DENND2D: variants seen among roughly 807,000 people sequenced by gnomAD.
The protein encoded by DENND2D is DENN domain containing 2D, also known as DENN domain-containing protein 2D.
A neutral mutation model predicts 59.8 loss-of-function variants in DENND2D; 37 were observed. The observed-to-expected ratio is 0.62, with a 90% CI of 0.48 to 0.81. DENND2D has a LOEUF of 0.81. DENND2D is among the 40% of genes least tolerant of loss of function. DENND2D has a pLI of 0.00. For synonymous variants in DENND2D, 219 were observed against 211.3 expected, an observed-to-expected ratio of 1.04 and a Z score of -0.31; for missense variants, 525 against 579.7, an observed-to-expected ratio of 0.91 and a Z score of 0.97.
At chr1:111,204,461 G>A (rs902773598), upstream of DENND2D, 38 of 1,176,596 alleles carry the variant, frequency 3.2e-5, no homozygotes, top group Non-Finnish European at 4.2e-5. Flanking sequence ...GGGAGGCCTA[G>A]GGGACAGGTT....
chr1:111,186,427 AACTT>A lies in DENND2D; in HGVS notation c.*1174_*1177del, dbSNP rs1657255967. On this transcript the variant is annotated 3_prime_UTR_variant, in exon 12 of 12. Coordinates refer to ENST00000357640, the MANE Select transcript of DENND2D (RefSeq NM_024901.5). ...CCCAAAAGCAAATTACATTGGCTTG[AACTT>A]CAGTATGCCCGGTTCCACCCTCCAG... Among the ~76,000 whole-genome samples the A allele has an allele frequency of 6.6e-6, 1 of 152,216 alleles. No individual in the cohort carries two copies. The highest frequency in any genetic ancestry group is 1.5e-5 in the Non-Finnish European group (1 of 68,036).
Position 111,189,220 on chromosome 1 carries a change from A to G in DENND2D, c.1006T>C (p.Leu336=), listed in dbSNP as rs766165625. Residue 336 remains leucine (L), a synonymous_variant, in exon 9 of 12, where the codon TTA becomes CTA. Coordinates refer to ENST00000357640, the MANE Select transcript of DENND2D (RefSeq NM_024901.5). ...LLVNLCEGTF[L]MSVGDEKDIL... is the part of the protein sequence containing the mutation. ...TGAACCCAGACACTTACCGACATTAAGAAGGTTCCTTCACAAAGATTGACC... is the reference window on the plus strand; with the variant it reads ...TGAACCCAGACACTTACCGACATTAGGAAGGTTCCTTCACAAAGATTGACC... 1.2e-6 allele frequency: 2 copies of G among 1,614,088 alleles called. No homozygotes were observed. The highest frequency in any genetic ancestry group is 2.2e-5 in the East Asian group (1 of 44,902).
rs1657333761 is a variant in DENND2D at position 111,187,598 on chromosome 1, A to G, written c.*7T>C. On this transcript the variant is annotated 3_prime_UTR_variant, in exon 12 of 12. Coordinates refer to ENST00000357640, the MANE Select transcript of DENND2D (RefSeq NM_024901.5). ...GTAGCTCTAGTCATTCTTATTCACC[A>G]CAGCTCTTATTTCACAGTTTTTTCC... 1 of 1,610,918 alleles carries G rather than the reference A, an allele frequency of 6.2e-7. No individual in the cohort carries two copies. The highest frequency in any genetic ancestry group is 8.5e-7 in the Non-Finnish European group (1 of 1,177,260).
chr1:111,189,109 C>T, intron 9 of DENND2D, 103 bp downstream of exon 9: 1 of 1,369,414 alleles, frequency 7.3e-7, no homozygotes, highest in South Asian at 1.2e-5. Context: ...GATTCTCACT[C>T]AACAAAGAAC....
Position 111,198,509 on chromosome 1 carries a change from A to G in DENND2D, c.356+121T>C, listed in dbSNP as rs1658468048. On this transcript the variant is annotated intron_variant, in intron 3 of 11. Transcript: ENST00000357640. ...AGGCCAGATGTTTTCAAACAAATCA[A>G]TTACACTCCCAGGCCGAAAATCAAC... The G allele has an allele frequency of 5.2e-6, 5 of 956,114 alleles. No individual in the cohort carries two copies. In the African/African-American group the frequency reaches 6.4e-5, roughly 12 times the overall value. The allele number at this position is 956,114 out of a possible 1,614,324, so 59.2% of individuals were successfully genotyped here.
chr1:111,188,410 G>A (rs1225677625), intron 10 of DENND2D, 40 bp from the exon 11 acceptor site: 2 of 1,600,048 alleles, frequency 1.2e-6, no homozygotes, highest in Non-Finnish European at 1.7e-6. Context: ...GGTAGCAGAA[G>A]GATGAAATTA....
chr1:111,189,418 T>G, intron 8 of DENND2D, 165 bp from the exon 9 acceptor site: 2 of 692,794 alleles, frequency 2.9e-6, no homozygotes, highest in South Asian at 3.7e-5. Context: ...TTCTCACCAT[T>G]CCCCTCTGGA....
In DENND2D at chr1:111,187,527, T is replaced by G; in HGVS notation, c.*78A>C. 8.0e-7 allele frequency: 1 copy of G among 1,253,684 alleles called. No individual in the cohort carries two copies. Among genetic ancestry groups the G allele is most frequent in the Non-Finnish European group, 1.2e-6 (1 of 860,510 alleles). The allele number at this position is 1,253,684 out of a possible 1,614,324, so 77.7% of individuals were successfully genotyped here. A position where few individuals can be genotyped will look rare whatever the true frequency, so the allele number is the denominator to read the frequency against. On this transcript the variant is annotated 3_prime_UTR_variant, in exon 12 of 12. Transcript: ENST00000357640. ...TATGGATTTTGGGAGCTGACAGTTT[T>G]GCTGATCCTGCCACACTGGCAGGGG...
In DENND2D at chr1:111,188,277, G is replaced by T. The variant is rs143756679; in HGVS notation, c.1193C>A (p.Ala398Glu). 3.5e-4 allele frequency: 560 copies of T among 1,614,186 alleles called. 3 individuals carry two copies. Among genetic ancestry groups the T allele is most frequent in the Middle Eastern group, 2.0e-3 (12 of 6,062 alleles). The stretch of plus-strand genomic sequence containing the variant: ...TTCTTGGAAGTGGCCTTGCCCATTT[G>T]CCTCCCGCTTGATATAGGAAGCATA... ...GHYASYIKREANGQGHFQERS... is the reference protein window; with the variant it reads ...GHYASYIKREENGQGHFQERS... The change falls in exon 11 of 12, where the codon GCA (alanine) becomes GAA (glutamate). Residue 398 changes from alanine to glutamate, a missense_variant. By Grantham distance (107) the Ala-to-Glu change is moderately radical (BLOSUM62 -1). This residue lies in a region of DENND2D where 225 missense variants were observed against 252.4 expected (regional missense o/e 0.89). Transcript: ENST00000357640.
intron 6 of DENND2D, 41 bp downstream of exon 6, chr1:111,195,875 C>T (rs756317104): frequency 1.2e-6 from 2 of 1,613,200 alleles, no homozygotes; most frequent in Non-Finnish European, 8.5e-7. Context: ...GATGCCTACC[C>T]TCTCCAGCTA....
chr1:111,194,228 G>C (rs1160812395), intron 7 of DENND2D, among the ~76,000 whole-genome samples: 1 of 152,180 alleles, frequency 6.6e-6, no homozygotes, highest in Non-Finnish European at 1.5e-5. Context: ...TGTTGAATGA[G>C]TATCTACCTC....
At position 111,192,260 on chromosome 1, in the gene DENND2D, C is replaced by T. The variant is rs138266603; in HGVS notation, c.852G>A (p.Ala284=). ...CAGGGACAACAGGGATGTAGGTGTG[C>T]GCCCAGCTGAAGGGGTAGAGCAGTG... ...AAALLYPFSW[A]HTYIPVVPES... The change falls in exon 8 of 12, where the codon GCG becomes GCA. Residue 284 remains alanine (A), a synonymous_variant. Coordinates refer to ENST00000357640, the MANE Select transcript of DENND2D (RefSeq NM_024901.5). 582 of 1,613,794 alleles carry T rather than the reference C, an allele frequency of 3.6e-4. 1 individual carries two copies. Among genetic ancestry groups the T allele is most frequent in the Admixed American group, 2.4e-3 (141 of 59,986 alleles).
chr1:111,189,026 G>GTCTTTTAGTGACTTCACTAAAAGACTTC (rs1398449231), intron 9 of DENND2D, among the ~76,000 whole-genome samples, 186 bp downstream of exon 9: 60 of 152,310 alleles, frequency 3.9e-4, no homozygotes, highest in African/African-American at 1.4e-3. Context: ...CACTATCACT[G>GTCTTTTAGTGACTTCACTAAAAGACTTC]ATTGTCTTAT....
In DENND2D at chr1:111,187,588, C is replaced by T. The variant is rs1657331718; in HGVS notation, c.*17G>A. On this transcript the variant is annotated 3_prime_UTR_variant, in exon 12 of 12. Transcript: ENST00000357640. ...GAAATGGTGTGTAGCTCTAGTCATTCTTATTCACCACAGCTCTTATTTCAC... is the reference window on the plus strand; with the variant it reads ...GAAATGGTGTGTAGCTCTAGTCATTTTTATTCACCACAGCTCTTATTTCAC... 2 of 1,606,652 alleles carry T rather than the reference C, an allele frequency of 1.2e-6. No individual in the cohort carries two copies. The highest frequency in any genetic ancestry group is 1.3e-5 in the African/African-American group (1 of 74,848).
At chr1:111,194,521 C>G in intron 7 of DENND2D, 57 bp downstream of exon 7, 10 of 1,597,730 alleles carry the variant, frequency 6.3e-6, no homozygotes, top group Non-Finnish European at 7.7e-6. Context: ...CCAGTCTGTT[C>G]CCTTGAACCC....
intron 4 of DENND2D, 73 bp from the exon 5 acceptor site, chr1:111,197,326 G>A: frequency 6.4e-7 from 1 of 1,556,588 alleles, no homozygotes; most frequent in South Asian, 1.2e-5. Context: ...GTATGAAGGA[G>A]CACAAGGCTG....
At chr1:111,188,620 T>TC (rs1478966600) in intron 10 of DENND2D, 82 bp downstream of exon 10, 1 of 1,355,610 alleles carries the variant, frequency 7.4e-7, no homozygotes, top group African/African-American at 1.4e-5. Context: ...CTGAATGAGT[T>TC]CATTTTAGTT....
In DENND2D at chr1:111,187,049, T is replaced by G. The variant is rs1447746433; in HGVS notation, c.*556A>C. The G allele has an allele frequency of 6.5e-6, 1 of 152,822 alleles. No individual in the cohort carries two copies. The highest frequency in any genetic ancestry group is 2.4e-5 in the African/African-American group (1 of 41,426). The allele number at this position is 152,822 out of a possible 1,614,324, so 9.5% of individuals were successfully genotyped here. On this transcript the variant is annotated 3_prime_UTR_variant, in exon 12 of 12. Coordinates refer to ENST00000357640, the MANE Select transcript of DENND2D (RefSeq NM_024901.5). Reference sequence around the variant, plus strand: ...AAGTAGAGCTGCTGCCCCCCATGATTCTATCACTCCAAACATATCCCCATG... The same window carrying G: ...AAGTAGAGCTGCTGCCCCCCATGATGCTATCACTCCAAACATATCCCCATG...
At chr1:111,198,029 T>G (rs751940154) in intron 3 of DENND2D, 40 bp from the exon 4 acceptor site, 1 of 1,601,406 alleles carries the variant, frequency 6.2e-7, no homozygotes, top group South Asian at 1.1e-5. Flanking sequence ...TATTGCTCAC[T>G]GAATCCTAAA....
Sources: allele counts gnomAD v4.1 joint callset (sites outside exome capture counted in the v4.1 genomes callset), GRCh38; gene constraint gnomAD v4.1.1; regional missense constraint gnomAD v4.1.1; transcripts MANE v1.5; gene names NCBI Gene and HGNC (gene_info 2026-07-23, HGNC 2026-07-21).